LAMA5: variants seen among roughly 807,000 people sequenced by gnomAD.
LAMA5 encodes the protein laminin subunit alpha 5, also known as laminin subunit alpha-5.
A neutral mutation model predicts 433.4 loss-of-function variants in LAMA5; 260 were observed. The observed-to-expected ratio is 0.60, with a 90% confidence interval of 0.54 to 0.66. LAMA5 has a LOEUF of 0.66. Ranked by LOEUF, LAMA5 falls within the 30% of genes least tolerant of loss-of-function variation. The pLI is 0.00. For missense variants in LAMA5, 5,378 were observed against 5,258.5 expected (o/e 1.02, Z -0.70); for synonymous variants, 2,620 against 2,226.6 (o/e 1.18, Z -4.97).
At chr20:62,338,873 C>T (rs1982137689) in intron 11 of LAMA5, among the ~76,000 whole-genome samples, 1 of 152,030 alleles carries the variant, frequency 6.6e-6, no homozygotes, top group African/African-American at 2.4e-5. Flanking sequence ...CCTGTCTGTA[C>T]TAAAAATACA....
chr20:62,360,853 C>G (rs900312525), intron 2 of LAMA5, among the ~76,000 whole-genome samples: 12 of 152,100 alleles, frequency 7.9e-5, no homozygotes, highest in Admixed American at 2.6e-4. Context: ...CCAGTTCATA[C>G]ATGTGCACCG....
Position 62,326,760 on chromosome 20 carries a change from C to T in LAMA5, c.5215G>A (p.Gly1739Ser). 1 of 1,612,978 alleles carries T rather than the reference C, an allele frequency of 6.2e-7. No individual in the cohort carries two copies. Among genetic ancestry groups the T allele is most frequent in the South Asian group, 1.1e-5 (1 of 91,078 alleles). The change falls in exon 40 of 80, where the codon GGC becomes AGC. Residue 1739 changes from glycine to serine, a missense_variant and splice_region_variant. Physicochemically the swap from Gly to Ser is moderately conservative, Grantham distance 56. Transcript: ENST00000252999. Reference protein sequence around the residue: ...MESRPDVVLQGNQMSITFLEP... With the variant: ...MESRPDVVLQSNQMSITFLEP... ...AGGAATGTGATGCTCATCTGGTTGC[C>T]CTGGGAAGGCACATGGGGAGGTGAG...
At chr20:62,314,174 G>A (rs925501849) in intron 62 of LAMA5, 130 bp downstream of exon 62, 26 of 1,171,438 alleles carry the variant, frequency 2.2e-5, no homozygotes, top group South Asian at 5.7e-5. Context: ...GAGTGGGCAC[G>A]GAGAGGCGAG....
At chr20:62,346,622 T>G (rs372769761) in intron 8 of LAMA5, 26 bp from the exon 9 acceptor site, 3 of 1,610,524 alleles carry the variant, frequency 1.9e-6, no homozygotes, top group Non-Finnish European at 1.7e-6. Flanking sequence ...CCGTTGAGTC[T>G]GGGGAGGTCC....
rs760169512 is a variant in LAMA5 at position 62,316,941 on chromosome 20, C to T, written c.7594G>A (p.Val2532Met). ...CCAGCAGCATCCTCGGCAGCCTGCACGGCCTGCAGGATGCGGCTGTAGGCG... is the reference window on the plus strand; with the variant it reads ...CCAGCAGCATCCTCGGCAGCCTGCATGGCCTGCAGGATGCGGCTGTAGGCG... ...SNAYSRILQA[V>M]QAAEDAAGQA... The change falls in exon 56 of 80, where the codon GTG (valine) becomes ATG (methionine). Residue 2532 changes from valine (V) to methionine (M), a missense_variant. Physicochemically the swap from Val to Met is conservative, Grantham distance 21. Coordinates refer to ENST00000252999, the MANE Select transcript of LAMA5 (RefSeq NM_005560.6). The T allele has an allele frequency of 1.2e-5, 19 of 1,564,072 alleles. No individual in the cohort carries two copies. Among genetic ancestry groups the T allele is most frequent in the Middle Eastern group, 3.6e-4 (2 of 5,570 alleles).
chr20:62,330,524 CG>C lies in LAMA5; in HGVS notation c.3942del (p.Val1315TrpfsTer40), dbSNP rs1568936377. 6.4e-7 allele frequency: 1 copy of C among 1,574,140 alleles called. No individual in the cohort carries two copies. The highest frequency in any genetic ancestry group is 8.6e-7 in the Non-Finnish European group (1 of 1,160,466). ...HGYQPAHPTFPVEVLINAGRV... is the reference protein window; with the variant it reads ...HGYQPAHPTFXVEVLINAGRV... ...CGGCCGGCGTTGATGAGGACTTCCACGGGGAAGGTGGGGTGGGCTGGCTGGT... is the reference window on the plus strand; with the variant it reads ...CGGCCGGCGTTGATGAGGACTTCCACGGGAAGGTGGGGTGGGCTGGCTGGT... On this transcript the variant is annotated frameshift_variant, in exon 31 of 80. Transcript: ENST00000252999. LOFTEE classifies it high-confidence loss of function.
intron 27 of LAMA5, 38 bp from the exon 28 acceptor site, chr20:62,332,518 G>A (rs371457756): frequency 7.6e-5 from 122 of 1,608,036 alleles, no homozygotes; most frequent in Non-Finnish European, 9.6e-5. Context: ...GGGCAGCCCC[G>A]GGCGTGCCCT....
intron 18 of LAMA5, among the ~76,000 whole-genome samples, chr20:62,335,589 C>A: frequency 6.7e-6 from 1 of 150,216 alleles, no homozygotes; most frequent in African/African-American, 2.5e-5. Context: ...CCAACACTCC[C>A]TCCAGGACAC....
intron 57 of LAMA5, 75 bp from the exon 58 acceptor site, chr20:62,316,133 G>A (rs1465662269): frequency 4.0e-6 from 4 of 1,003,478 alleles, no homozygotes; most frequent in Non-Finnish European, 6.0e-6. Context: ...CCACCCTTCT[G>A]ACCCCAGGAG....
Position 62,317,339 on chromosome 20 carries a change from AC to A in LAMA5, c.7511+5del. 1 of 1,602,334 alleles carries A rather than the reference AC, an allele frequency of 6.2e-7. No homozygotes were observed. ...GCCCAGGGCCCCTCCTCTCCTGGCCACCCACCTGGACAGATTGAGTGCCAGC... is the reference window on the plus strand; with the variant it reads ...GCCCAGGGCCCCTCCTCTCCTGGCCACCACCTGGACAGATTGAGTGCCAGC... On this transcript the variant is annotated splice_donor_5th_base_variant and intron_variant, in intron 55 of 79. Coordinates refer to ENST00000252999, the MANE Select transcript of LAMA5 (RefSeq NM_005560.6).
At chr20:62,343,027 C>T (rs1353019399) in intron 11 of LAMA5, among the ~76,000 whole-genome samples, 3 of 152,194 alleles carry the variant, frequency 2.0e-5, no homozygotes, top group Admixed American at 6.5e-5. Flanking sequence ...TCAGTTTACA[C>T]CAGGGATTAG....
intron 46 of LAMA5, 38 bp downstream of exon 46, chr20:62,322,620 G>GGGGGC: frequency 1.2e-5 from 17 of 1,398,944 alleles, no homozygotes; most frequent in East Asian, 2.5e-5. Context: ...TAGTCCCTAG[G>GGGGGC]CCCCACCCAC....
Position 62,311,243 on chromosome 20 carries a change from G to C in LAMA5, c.10007C>G (p.Thr3336Ser), listed in dbSNP as rs564946185. 5 of 1,608,522 alleles carry C rather than the reference G, an allele frequency of 3.1e-6. No individual in the cohort carries two copies. The African/African-American group carries it at 6.7e-5, about 22-fold the overall frequency. Residue 3336 changes from threonine to serine, a missense_variant, in exon 73 of 80, where the codon ACC (threonine) becomes AGC (serine). Coordinates refer to ENST00000252999, the MANE Select transcript of LAMA5 (RefSeq NM_005560.6). Reference sequence around the variant, plus strand: ...CCCAAACTGGTAGGAGTCTCGGGTGGTCCTGAGGTGTGGGGGCAGCATGCA... The same window carrying C: ...CCCAAACTGGTAGGAGTCTCGGGTGCTCCTGAGGTGTGGGGGCAGCATGCA... ...PACMLPPHLR[T>S]TRDSYQFGGS...
chr20:62,320,982 G>A, intron 48 of LAMA5, 92 bp from the exon 49 acceptor site: 4 of 1,408,412 alleles, frequency 2.8e-6, no homozygotes, highest in Non-Finnish European at 2.9e-6. Context: ...GGGTGGGGAG[G>A]GCTCAGCCAG....
Position 62,316,035 on chromosome 20 carries a change from T to C in LAMA5, c.7780A>G (p.Arg2594Gly), listed in dbSNP as rs1037085763. The C allele has an allele frequency of 1.2e-5, 20 of 1,608,970 alleles. No homozygotes were observed. Among genetic ancestry groups the C allele is most frequent in the Non-Finnish European group, 1.6e-5 (19 of 1,179,254 alleles). Residue 2594 changes from arginine to glycine, a missense_variant, in exon 58 of 80, where the codon AGG (arginine) becomes GGG (glycine). Coordinates refer to ENST00000252999, the MANE Select transcript of LAMA5 (RefSeq NM_005560.6). Reference protein sequence around the residue: ...GLVWAALQGARTQLRDVRAKK... With the variant: ...GLVWAALQGAGTQLRDVRAKK... ...GCCCGGACATCTCGGAGCTGGGTCC[T>C]GGCACCCTGGAGGGCAGCCCACACT...
At chr20:62,330,988 G>T in intron 29 of LAMA5, 44 bp from the exon 30 acceptor site, 1 of 1,571,040 alleles carries the variant, frequency 6.4e-7, no homozygotes, top group Non-Finnish European at 8.6e-7. Flanking sequence ...CCCTGCCGCC[G>T]GGCCCTCGGC....
At chr20:62,312,077 C>A in intron 69 of LAMA5, 27 bp from the exon 70 acceptor site, 1 of 1,609,718 alleles carries the variant, frequency 6.2e-7, no homozygotes, top group South Asian at 1.1e-5. Flanking sequence ...GGTCAGCCGG[C>A]CGGCCTGGGG....
At chr20:62,354,677 C>T (rs1215840712) in intron 2 of LAMA5, among the ~76,000 whole-genome samples, 1 of 152,278 alleles carries the variant, frequency 6.6e-6, no homozygotes, top group East Asian at 1.9e-4. Context: ...CAGCACCCCG[C>T]CTTCACACTC....
In LAMA5 at chr20:62,327,140, C is replaced by A. The variant is rs1449579356; in HGVS notation, c.5112+93G>T. 16 of 1,289,332 alleles carry A rather than the reference C, an allele frequency of 1.2e-5. No individual in the cohort carries two copies. In the East Asian group the frequency reaches 4.1e-4, roughly 33 times the overall value. The allele number at this position is 1,289,332 out of a possible 1,614,324, so 79.9% of individuals were successfully genotyped here. A position where few individuals can be genotyped will look rare whatever the true frequency, so the allele number is the denominator to read the frequency against. ...CCTCACGGACCCCCATGGAGCTCCC[C>A]CTCCCTGGACAGACCCCGCTCCTGG... On this transcript the variant is annotated intron_variant, in intron 38 of 79. Transcript: ENST00000252999.
Sources: allele counts gnomAD v4.1 joint callset (sites outside exome capture counted in the v4.1 genomes callset), GRCh38; gene constraint gnomAD v4.1.1; transcripts MANE v1.5; gene names NCBI Gene and HGNC (gene_info 2026-07-23, HGNC 2026-07-21).